The following MYO5A variants were observed in gnomAD, a reference collection of about 807,000 sequenced individuals.
MYO5A encodes myosin VA.
MYO5A carries 98 observed loss-of-function variants against 249.7 expected under a neutral mutation model. That is an observed-to-expected ratio of 0.39 (90% CI 0.33 to 0.46). The LOEUF (loss-of-function observed/expected upper bound fraction) is 0.46. Ranked by LOEUF, MYO5A falls within the 20% of genes least tolerant of loss-of-function variation. The pLI, the probability that MYO5A is intolerant of heterozygous loss-of-function variation, is 0.98. For synonymous variants in MYO5A, 778 were observed against 810.6 expected (o/e 0.96, Z 0.68); for missense variants, 1,696 against 2,308.8 (o/e 0.73, Z 5.44).
At chr15:52,345,213 C>T (rs1164589392) in intron 30 of MYO5A, among the ~76,000 whole-genome samples, 1 of 152,118 alleles carries the variant, frequency 6.6e-6, no homozygotes, top group Non-Finnish European at 1.5e-5. Flanking sequence ...CTTATAATAC[C>T]TAAAAACTTG....
chr15:52,386,362 G>C (rs2041973177), intron 14 of MYO5A, among the ~76,000 whole-genome samples: 1 of 151,966 alleles, frequency 6.6e-6, no homozygotes. Context: ...GAAAACCTGT[G>C]AATGTTCTGT....
chr15:52,410,259 C>T, intron 6 of MYO5A, 74 bp downstream of exon 6: 1 of 1,474,214 alleles, frequency 6.8e-7, no homozygotes, highest in Non-Finnish European at 9.5e-7. Flanking sequence ...AAATAAAATG[C>T]ATACCAGCAA....
At chr15:52,404,556 C>T (rs1025171511) in intron 9 of MYO5A, among the ~76,000 whole-genome samples, 12 of 152,108 alleles carry the variant, frequency 7.9e-5, no homozygotes, top group African/African-American at 2.7e-4. Context: ...TCCACAAGGA[C>T]TTCAAATCCT....
Position 52,438,553 on chromosome 15 carries a change from A to G in MYO5A, c.28-5268T>C, listed in dbSNP as rs184099151. Among the ~76,000 whole-genome samples, 415 of 152,324 alleles carry G rather than the reference A, an allele frequency of 2.7e-3. 3 individuals carry two copies. The highest frequency in any genetic ancestry group is 2.4e-3 in the Non-Finnish European group (160 of 68,016). On this transcript the variant is annotated intron_variant, in intron 1 of 41. Coordinates refer to ENST00000399233, the MANE Select transcript of MYO5A (RefSeq NM_001382347.1). ...TAAGAATCCCTAAGCCTAGCTGGGA[A>G]GGTGACCACGTCCACCTTTAAAGAT...
intron 18 of MYO5A, among the ~76,000 whole-genome samples, chr15:52,379,197 A>C (rs1289289808): frequency 1.3e-5 from 2 of 152,148 alleles, no homozygotes; most frequent in Admixed American, 1.3e-4. Context: ...TCATCCCCTG[A>C]TTTCTTGTTC....
In MYO5A at chr15:52,360,223, A is replaced by C. The variant is rs920391389; in HGVS notation, c.3310-142T>G. On this transcript the variant is annotated intron_variant, in intron 24 of 41. Coordinates refer to ENST00000399233, the MANE Select transcript of MYO5A (RefSeq NM_001382347.1). Reference sequence around the variant, plus strand: ...AAGTGATTTGTTCCATATTGTTTTGACCAAATAATTACAAAAAGGTCACCG... The same window carrying C: ...AAGTGATTTGTTCCATATTGTTTTGCCCAAATAATTACAAAAAGGTCACCG... 3 of 692,376 alleles carry C rather than the reference A, an allele frequency of 4.3e-6. No homozygotes were observed. The African/African-American group carries it at 5.3e-5, about 12-fold the overall frequency. 42.9% of individuals were successfully genotyped at this position (692,376 alleles called of 1,614,324 possible).
intron 25 of MYO5A, among the ~76,000 whole-genome samples, chr15:52,355,739 G>T (rs1370290201): frequency 6.6e-6 from 1 of 152,150 alleles, no homozygotes; most frequent in Non-Finnish European, 1.5e-5. Flanking sequence ...ATGATTTAAA[G>T]AATATGGAAG....
chr15:52,356,823 T>TGCTCTTGTTGC (rs1555432798), intron 25 of MYO5A, among the ~76,000 whole-genome samples: 1 of 127,788 alleles, frequency 7.8e-6, no homozygotes, highest in African/African-American at 4.3e-5. Flanking sequence ...TTTTTTATTT[T>TGCTCTTGTTGC]CAGGAATTGT....
intron 1 of MYO5A, among the ~76,000 whole-genome samples, chr15:52,487,362 G>C (rs1738118561): frequency 6.6e-6 from 1 of 152,048 alleles, no homozygotes; most frequent in African/African-American, 2.4e-5. Context: ...ACTGCAGTGA[G>C]CCATGATCAC....
intron 9 of MYO5A, among the ~76,000 whole-genome samples, chr15:52,402,769 C>T (rs548281368): frequency 1.6e-3 from 244 of 152,192 alleles, no homozygotes; most frequent in African/African-American, 5.7e-3. Flanking sequence ...AGCTTGAACC[C>T]AGGAGGTGGA....
Position 52,339,275 on chromosome 15 carries a change from G to C in MYO5A, c.4239+921C>G, listed in dbSNP as rs146511620. ...TAATTCAGATTGTTAAATCTTCAGA[G>C]AAAATTCATACTATTTTATTATAGG... On this transcript the variant is annotated intron_variant, in intron 32 of 41. Coordinates refer to ENST00000399233, the MANE Select transcript of MYO5A (RefSeq NM_001382347.1). Among the ~76,000 whole-genome samples, 1,221 of 152,162 alleles carry C rather than the reference G, an allele frequency of 8.0e-3. 6 individuals are homozygous for C. Among genetic ancestry groups the C allele is most frequent in the Non-Finnish European group, 0.012 (839 of 68,000 alleles).
chr15:52,309,864 G>GTT lies in MYO5A; in HGVS notation c.*3831_*3832insAA, dbSNP rs2037724985. 1 of 151,988 alleles carries GTT rather than the reference G, an allele frequency of 6.6e-6. No homozygotes were observed. The highest frequency in any genetic ancestry group is 2.4e-5 in the African/African-American group (1 of 41,322). The allele number at this position is 151,988 out of a possible 1,614,324, so 9.4% of individuals were successfully genotyped here. ...GGTGTGTGTGTGTGTATGTGTGTGT[G>GTT]TGTGTGTGTAAGAGAGAAAGGGCAT... On this transcript the variant is annotated 3_prime_UTR_variant, in exon 42 of 42. Transcript: ENST00000399233.
intron 41 of MYO5A, 107 bp downstream of exon 41, chr15:52,314,016 T>A: frequency 7.7e-7 from 1 of 1,298,878 alleles, no homozygotes. Flanking sequence ...AGTTAGTGCA[T>A]TGTAAAATAA....
intron 27 of MYO5A, among the ~76,000 whole-genome samples, chr15:52,352,397 T>C (rs1424079263): frequency 6.6e-6 from 1 of 152,208 alleles, no homozygotes; most frequent in African/African-American, 2.4e-5. Context: ...ACTGAAACAC[T>C]TGTGTATAAA....
chr15:52,397,412 C>T lies in MYO5A; in HGVS notation c.1108G>A (p.Glu370Lys). ...FCELMGVDYEEMCHWLCHRKL... is the reference protein window; with the variant it reads ...FCELMGVDYEKMCHWLCHRKL... ...CGATGGCAGAGCCAGTGACACATCT[C>T]CTCATAGTCCACACCCATGAGTTCA... Residue 370 changes from glutamate to lysine, a missense_variant, in exon 10 of 42, where the codon GAG becomes AAG. This residue lies in a region of MYO5A where 185 missense variants were observed against 204.8 expected (regional missense o/e 0.90). Coordinates refer to ENST00000399233, the MANE Select transcript of MYO5A (RefSeq NM_001382347.1). The T allele has an allele frequency of 6.2e-7, 1 of 1,614,030 alleles. No homozygotes were observed. Among genetic ancestry groups the T allele is most frequent in the Non-Finnish European group, 8.5e-7 (1 of 1,179,912 alleles).
intron 1 of MYO5A, among the ~76,000 whole-genome samples, chr15:52,516,092 G>C (rs1045986019): frequency 6.6e-6 from 1 of 152,132 alleles, no homozygotes; most frequent in Non-Finnish European, 1.5e-5. Context: ...TAAAGATAAG[G>C]AAATTGAAGC....
chr15:52,459,251 G>C (rs962244435), intron 1 of MYO5A, among the ~76,000 whole-genome samples: 3 of 148,604 alleles, frequency 2.0e-5, no homozygotes, highest in African/African-American at 7.4e-5. Flanking sequence ...TGGTGGGAAG[G>C]TCAGCAGATA....
chr15:52,462,532 G>A (rs1334217554), intron 1 of MYO5A, among the ~76,000 whole-genome samples: 4 of 151,838 alleles, frequency 2.6e-5, no homozygotes, highest in Admixed American at 6.6e-5. Context: ...ACTAGAGAAC[G>A]AAGCAGCACA....
intron 28 of MYO5A, 122 bp downstream of exon 28, chr15:52,351,132 G>T: frequency 1.2e-6 from 1 of 822,074 alleles, no homozygotes; most frequent in African/African-American, 1.7e-5. Context: ...AAAAAATAAT[G>T]AATCCTCAAT....
Sources: gnomAD v4.1 joint callset for allele counts (sites outside exome capture counted in the v4.1 genomes callset) on GRCh38, gnomAD v4.1.1 for gene constraint, gnomAD v4.1.1 regional missense constraint, MANE v1.5 for transcripts, NCBI Gene and HGNC (gene_info 2026-07-23, HGNC 2026-07-21) for gene names.